CDH23: variants seen among roughly 807,000 people sequenced by gnomAD.
CDH23 encodes the protein cadherin-23.
A neutral mutation model predicts 317.1 loss-of-function variants in CDH23; 189 were observed. That is an observed-to-expected ratio of 0.60 (90% CI 0.53 to 0.67). CDH23 has a LOEUF of 0.67. CDH23 is among the 30% of genes least tolerant of loss of function. The probability of loss-of-function intolerance (pLI) is 0.00; values close to 1 mark genes in which losing one functional copy is unlikely to be tolerated. For synonymous variants in CDH23, 1,839 were observed against 1,876.8 expected (o/e 0.98, Z 0.52); for missense variants, 4,401 against 4,592.4 (o/e 0.96, Z 1.20).
chr10:71,808,680 G>A (rs1283030326), intron 60 of CDH23, among the ~76,000 whole-genome samples: 2 of 152,044 alleles, frequency 1.3e-5, no homozygotes, highest in African/African-American at 2.4e-5. Flanking sequence ...TCCATCTAAA[G>A]GCTCCTCCTC....
intron 9 of CDH23, among the ~76,000 whole-genome samples, chr10:71,583,259 G>T (rs1858772501): frequency 6.6e-6 from 1 of 152,036 alleles, no homozygotes; most frequent in African/African-American, 2.4e-5. Context: ...TGGGGGCGGG[G>T]GTCCGGTGCT....
chr10:71,677,969 G>A (rs561855326), intron 16 of CDH23, among the ~76,000 whole-genome samples: 4 of 152,236 alleles, frequency 2.6e-5, no homozygotes, highest in Admixed American at 2.6e-4. Flanking sequence ...GGAACCCACT[G>A]CAAGAGGGGC....
intron 9 of CDH23, among the ~76,000 whole-genome samples, chr10:71,613,163 A>G (rs1457550980): frequency 6.6e-6 from 1 of 152,214 alleles, no homozygotes; most frequent in African/African-American, 2.4e-5. Flanking sequence ...TGCTCATTAG[A>G]GAAGCACAAT....
chr10:71,724,162 C>T, intron 29 of CDH23, 57 bp downstream of exon 29: 1 of 1,527,226 alleles, frequency 6.5e-7, no homozygotes, highest in East Asian at 2.5e-5. Flanking sequence ...GAGGGCAGAG[C>T]TTCTCTAGGC....
chr10:71,724,066 G>A lies in CDH23; in HGVS notation c.3391G>A (p.Glu1131Lys). Residue 1131 changes from glutamate to lysine, a missense_variant, in exon 29 of 70, where the codon GAG (glutamate) becomes AAG (lysine). Glu to Lys is a moderately conservative substitution (Grantham distance 56). Around this residue, in one of 3 missense-constraint regions of CDH23, gnomAD observed 3,068 missense variants for 3,203.3 expected, o/e 0.96. Transcript: ENST00000224721. ...ILQLKATDAD[E>K]GEFGRVWYRI... Reference sequence around the variant, plus strand: ...TCAGCTGAAAGCCACGGACGCAGATGAGGGCGAGTTTGGGCGTGTGTGGTA... The same window carrying A: ...TCAGCTGAAAGCCACGGACGCAGATAAGGGCGAGTTTGGGCGTGTGTGGTA... 2 of 1,560,920 alleles carry A rather than the reference G, an allele frequency of 1.3e-6. No homozygotes were observed. Among genetic ancestry groups the A allele is most frequent in the Non-Finnish European group, 1.7e-6 (2 of 1,152,078 alleles).
chr10:71,526,438 G>A (rs562744157), intron 6 of CDH23, among the ~76,000 whole-genome samples: 2 of 152,288 alleles, frequency 1.3e-5, no homozygotes, highest in South Asian at 4.1e-4. Flanking sequence ...TCTGAGGTGG[G>A]CGGAGGCCCC....
chr10:71,517,103 G>A (rs528009228), intron 6 of CDH23, among the ~76,000 whole-genome samples: 6 of 152,336 alleles, frequency 3.9e-5, no homozygotes, highest in South Asian at 2.1e-4. Flanking sequence ...ACAGCCATGC[G>A]GCTCCCTCTG....
rs143519061 is a variant in CDH23, at chr10:71,398,428, A to AGTGTGTGTGTGTGT, written c.-6+1145_-6+1158dup. On this transcript the variant is annotated intron_variant, in intron 1 of 69. Transcript: ENST00000224721. The stretch of plus-strand genomic sequence containing the variant: ...TTGAAATAAGCTAGAGAGACACAGG[A>AGTGTGTGTGTGTGT]GTGTGTGTGTGTGTGTGTGTGTGTG... 2.7e-3 allele frequency among the ~76,000 whole-genome samples: 326 copies of AGTGTGTGTGTGTGT among 120,228 alleles called. 6 individuals carry two copies. The highest frequency in any genetic ancestry group is 5.3e-3 in the Admixed American group (62 of 11,808). 78.9% of individuals were successfully genotyped at this position (120,228 alleles called of 152,430 possible).
At chr10:71,716,418 T>A in intron 28 of CDH23, 1 of 1,232,494 alleles carries the variant, frequency 8.1e-7, no homozygotes, top group Admixed American at 3.0e-5. Context: ...AAGACTTACC[T>A]AGGGAATGTG....
intron 2 of CDH23, among the ~76,000 whole-genome samples, chr10:71,443,837 T>C (rs1850021446): frequency 6.6e-6 from 1 of 152,262 alleles, no homozygotes; most frequent in South Asian, 2.1e-4. Context: ...ATAAGTCACC[T>C]GTCTGCCCCG....
chr10:71,744,978 G>C (rs1432592776), intron 38 of CDH23, among the ~76,000 whole-genome samples: 3 of 152,204 alleles, frequency 2.0e-5, no homozygotes, highest in African/African-American at 4.8e-5. Flanking sequence ...CTATCATTTG[G>C]TTTTTGCAGG....
intron 41 of CDH23, among the ~76,000 whole-genome samples, chr10:71,781,913 C>T (rs1297958438): frequency 6.6e-6 from 1 of 152,204 alleles, no homozygotes; most frequent in Non-Finnish European, 1.5e-5. Flanking sequence ...CATCCATTTC[C>T]CACATCTCCT....
intron 6 of CDH23, among the ~76,000 whole-genome samples, chr10:71,522,729 T>G (rs1854770427): frequency 6.6e-6 from 1 of 152,076 alleles, no homozygotes; most frequent in African/African-American, 2.4e-5. Flanking sequence ...TGGAGCTGCC[T>G]AGGTGCTGGG....
At chr10:71,679,001 C>T (rs551001333) in intron 16 of CDH23, among the ~76,000 whole-genome samples, 5 of 151,864 alleles carry the variant, frequency 3.3e-5, no homozygotes, top group African/African-American at 4.8e-5. Flanking sequence ...GGGCCCTAAC[C>T]GGCTCCGGGA....
intron 3 of CDH23, among the ~76,000 whole-genome samples, chr10:71,474,041 A>T (rs1213553309): frequency 2.0e-5 from 3 of 152,166 alleles, no homozygotes; most frequent in African/African-American, 7.2e-5. Flanking sequence ...GCTCATCTAT[A>T]ACCTAGGAAT....
rs1589297157 is a variant in CDH23, at chr10:71,430,775, G to A, written c.-5-9052G>A. 2.0e-5 allele frequency among the ~76,000 whole-genome samples: 3 copies of A among 152,218 alleles called. 1 individual carries two copies. On this transcript the variant is annotated intron_variant, in intron 1 of 69. Coordinates refer to ENST00000224721, the MANE Select transcript of CDH23 (RefSeq NM_022124.6). ...GCGGAGGTTGCAGTGAGCCGAGATC[G>A]CGCCACTGCACTCCAGCCTGGGTGA...
intron 47 of CDH23, among the ~76,000 whole-genome samples, chr10:71,792,820 TAAAAAAAAAAAAAAAAAA>T (rs1158593304): frequency 8.3e-5 from 4 of 47,922 alleles, no homozygotes; most frequent in East Asian, 7.6e-4. Context: ...AGACTCCATC[TAAAAAAAAAAAAAAAAAA>T]AAAAAAAAAA....
chr10:71,450,068 A>G (rs1850358742), intron 3 of CDH23, among the ~76,000 whole-genome samples: 1 of 152,124 alleles, frequency 6.6e-6, no homozygotes, highest in African/African-American at 2.4e-5. Context: ...AGACGTTAAT[A>G]TCAGTTGTTG....
chr10:71,467,676 G>C (rs1204324233), intron 3 of CDH23, among the ~76,000 whole-genome samples: 1 of 152,156 alleles, frequency 6.6e-6, no homozygotes, highest in Non-Finnish European at 1.5e-5. Flanking sequence ...AGGCTTCCTT[G>C]TCCATGAAGT....
Sources: gnomAD v4.1 joint callset for allele counts (sites outside exome capture counted in the v4.1 genomes callset) on GRCh38, gnomAD v4.1.1 for gene constraint, gnomAD v4.1.1 regional missense constraint, MANE v1.5 for transcripts, NCBI Gene and HGNC (gene_info 2026-07-23, HGNC 2026-07-21) for gene names.